Variants in SPTSSA observed in about 807,000 individuals in gnomAD.
SPTSSA encodes serine palmitoyltransferase small subunit A, also known as small subunit of serine palmitoyltransferase A.
Under a neutral mutation model 9.1 loss-of-function variants are expected in SPTSSA, and 8 were observed. That is an observed-to-expected ratio of 0.88 (90% CI 0.51 to 1.58). SPTSSA has a LOEUF of 1.58. Among genes scored for constraint, SPTSSA ranks in the 40% most tolerant of loss-of-function variants. The pLI is 0.00. For missense variants in SPTSSA, 100 were observed against 93.8 expected (o/e 1.07, Z -0.27); for synonymous variants, 42 against 37.7 (o/e 1.11, Z -0.41).
At chr14:34,447,379 CATA>C (rs1339223832) in intron 1 of SPTSSA, among the ~76,000 whole-genome samples, 2 of 151,500 alleles carry the variant, frequency 1.3e-5, no homozygotes, top group Non-Finnish European at 2.9e-5. Flanking sequence ...TCCCAACAGT[CATA>C]ATAATCGTCT....
At chr14:34,439,679 T>C (rs1405843076) in intron 1 of SPTSSA, among the ~76,000 whole-genome samples, 3 of 152,170 alleles carry the variant, frequency 2.0e-5, no homozygotes, top group African/African-American at 4.8e-5. Flanking sequence ...GCTTTGCTTA[T>C]TGTTTAATGA....
At chr14:34,461,645 A>C (rs1375167688) in intron 1 of SPTSSA, among the ~76,000 whole-genome samples, 1 of 152,252 alleles carries the variant, frequency 6.6e-6, no homozygotes, top group Admixed American at 6.5e-5. Context: ...ACTGACTAGA[A>C]TTCTTGGTAG....
chr14:34,446,659 TA>T (rs1261083516), intron 1 of SPTSSA, among the ~76,000 whole-genome samples: 1 of 152,206 alleles, frequency 6.6e-6, no homozygotes, highest in Admixed American at 6.5e-5. Context: ...TTCCCTCTTC[TA>T]GAAGGGCATC....
intron 1 of SPTSSA, among the ~76,000 whole-genome samples, chr14:34,454,413 C>CAGAGAAACTGT (rs1352876001): frequency 1.1e-4 from 16 of 152,184 alleles, no homozygotes; most frequent in Non-Finnish European, 2.4e-4. Flanking sequence ...CTGGTATAGA[C>CAGAGAAACTGT]CATTTAGTTC....
rs76220160 is a variant in SPTSSA at position 34,457,767 on chromosome 14, T to C, written c.112+4329A>G. On this transcript the variant is annotated intron_variant, in intron 1 of 1. Transcript: ENST00000298130. ...TGGGGGGATCACTTGAGGTCAGGAG[T>C]TCAAGATCAGCCTGGCTAACATGGT... Among the ~76,000 whole-genome samples, 58 of 148,574 alleles carry C rather than the reference T, an allele frequency of 3.9e-4. No individual in the cohort carries two copies. The East Asian group carries it at 0.01, about 26-fold the overall frequency.
chr14:34,447,606 TA>T (rs1883443880), intron 1 of SPTSSA, among the ~76,000 whole-genome samples: 1 of 152,138 alleles, frequency 6.6e-6, no homozygotes, highest in Admixed American at 6.5e-5. Flanking sequence ...TACTCTCACC[TA>T]AGTAAGAACC....
chr14:34,462,229 A>C lies in SPTSSA; in HGVS notation c.-22T>G. The stretch of plus-strand genomic sequence containing the variant: ...CCATGCGCCTCCCGCGATGCAGCTC[A>C]CACGTCAGTCTGTCCGGCCGGCCGC... On this transcript the variant is annotated 5_prime_UTR_variant, in exon 1 of 2. Transcript: ENST00000298130. The C allele has an allele frequency of 2.7e-5, 40 of 1,490,698 alleles. No individual in the cohort carries two copies. The highest frequency in any genetic ancestry group is 1.8e-4 in the Middle Eastern group (1 of 5,634). 92.3% of individuals were successfully genotyped at this position (1,490,698 alleles called of 1,614,324 possible).
chr14:34,433,770 T>C lies in SPTSSA; in HGVS notation c.*1431A>G, dbSNP rs1883195122. On this transcript the variant is annotated 3_prime_UTR_variant, in exon 2 of 2. Transcript: ENST00000298130. ...GGAGGTCAGGAGTTTGAGACCATCC[T>C]GGCCAACACAGTGAAACCCCGTCTC... 6.6e-6 allele frequency: 1 copy of C among 152,066 alleles called. No individual in the cohort carries two copies. Among genetic ancestry groups the C allele is most frequent in the Non-Finnish European group, 1.5e-5 (1 of 68,046 alleles). The allele number at this position is 152,066 out of a possible 1,614,324, so 9.4% of individuals were successfully genotyped here.
chr14:34,433,440 T>C lies in SPTSSA; in HGVS notation c.*1761A>G, dbSNP rs1297054083. On this transcript the variant is annotated 3_prime_UTR_variant, in exon 2 of 2. Transcript: ENST00000298130. ...AATTTGGGCATTAATAGAACAAATC[T>C]TATGTTAAATCCTCGTATTATTTTT... The C allele has an allele frequency of 6.6e-6, 1 of 152,138 alleles. No individual in the cohort carries two copies. The highest frequency in any genetic ancestry group is 1.5e-5 in the Non-Finnish European group (1 of 68,034). 9.4% of individuals were successfully genotyped at this position (152,138 alleles called of 1,614,324 possible).
Position 34,434,323 on chromosome 14 carries a change from C to T in SPTSSA, c.*878G>A, listed in dbSNP as rs1283039704. 1 of 152,568 alleles carries T rather than the reference C, an allele frequency of 6.6e-6. No homozygotes were observed. The highest frequency in any genetic ancestry group is 2.4e-5 in the African/African-American group (1 of 41,414). 9.5% of individuals were successfully genotyped at this position (152,568 alleles called of 1,614,324 possible). A position where few individuals can be genotyped will look rare whatever the true frequency, so the allele number is the denominator to read the frequency against. On this transcript the variant is annotated 3_prime_UTR_variant, in exon 2 of 2. Coordinates refer to ENST00000298130, the MANE Select transcript of SPTSSA (RefSeq NM_138288.4). ...TATAATTTTTAACAACAATTCGTCT[C>T]ATCATAACTTAATGCAATGTGCAAA...
chr14:34,441,356 G>T (rs1417348041), intron 1 of SPTSSA, among the ~76,000 whole-genome samples: 8 of 152,188 alleles, frequency 5.3e-5, no homozygotes, highest in Admixed American at 5.2e-4. Flanking sequence ...CATACCCCAA[G>T]GAACCAATGG....
chr14:34,458,058 T>C (rs1878527458), intron 1 of SPTSSA, among the ~76,000 whole-genome samples: 1 of 152,034 alleles, frequency 6.6e-6, no homozygotes, highest in African/African-American at 2.4e-5. Flanking sequence ...AAAACTTACT[T>C]ATAAATCTTA....
At chr14:34,458,904 C>CCTT (rs1555315561) in intron 1 of SPTSSA, among the ~76,000 whole-genome samples, 1 of 124,044 alleles carries the variant, frequency 8.1e-6, no homozygotes, top group Non-Finnish European at 1.6e-5. Flanking sequence ...GAAATTACAA[C>CCTT]TTTTTTTTTT....
intron 1 of SPTSSA, among the ~76,000 whole-genome samples, chr14:34,448,111 T>C (rs1437819609): frequency 7.2e-5 from 11 of 152,010 alleles, no homozygotes; most frequent in Non-Finnish European, 5.9e-5. Context: ...AAAAATTAGC[T>C]GGGCATGGTG....
intron 1 of SPTSSA, among the ~76,000 whole-genome samples, chr14:34,451,652 G>A (rs1883527113): frequency 6.6e-6 from 1 of 151,232 alleles, no homozygotes; most frequent in African/African-American, 2.4e-5. Flanking sequence ...GAACTCGGGA[G>A]GCGGAGCTTG....
At chr14:34,440,166 C>T (rs1385165563) in intron 1 of SPTSSA, among the ~76,000 whole-genome samples, 1 of 152,130 alleles carries the variant, frequency 6.6e-6, no homozygotes, top group Non-Finnish European at 1.5e-5. Context: ...GTATCTCCAG[C>T]ATCTAACAAA....
intron 1 of SPTSSA, among the ~76,000 whole-genome samples, chr14:34,439,896 C>T (rs887336508): frequency 1.3e-5 from 2 of 152,178 alleles, no homozygotes; most frequent in African/African-American, 4.8e-5. Flanking sequence ...GCCCTACTCC[C>T]CCTAGTAAAA....
In SPTSSA at chr14:34,462,224, A is replaced by G. The variant is rs745563026; in HGVS notation, c.-17T>C. The stretch of plus-strand genomic sequence containing the variant: ...CCCCGCCATGCGCCTCCCGCGATGC[A>G]GCTCACACGTCAGTCTGTCCGGCCG... On this transcript the variant is annotated 5_prime_UTR_variant, in exon 1 of 2. Transcript: ENST00000298130. 2.0e-5 allele frequency: 30 copies of G among 1,505,578 alleles called. No individual in the cohort carries two copies. The highest frequency in any genetic ancestry group is 1.2e-4 in the Admixed American group (6 of 52,160). 93.3% of individuals were successfully genotyped at this position (1,505,578 alleles called of 1,614,324 possible). A position where few individuals can be genotyped will look rare whatever the true frequency, so the allele number is the denominator to read the frequency against.
At chr14:34,448,886 G>A (rs1883470291) in intron 1 of SPTSSA, among the ~76,000 whole-genome samples, 1 of 152,138 alleles carries the variant, frequency 6.6e-6, no homozygotes, top group African/African-American at 2.4e-5. Flanking sequence ...TGTAGTCCCA[G>A]CTACTCTGGA....
Sources: allele counts gnomAD v4.1 joint callset (sites outside exome capture counted in the v4.1 genomes callset), GRCh38; gene constraint gnomAD v4.1.1; transcripts MANE v1.5; gene names NCBI Gene and HGNC (gene_info 2026-07-23, HGNC 2026-07-21).